Variants in LRRC4C observed in about 807,000 individuals in gnomAD.
The protein encoded by LRRC4C is leucine rich repeat containing 4C.
A neutral mutation model predicts 33.6 loss-of-function variants in LRRC4C; 5 were observed. The ratio of observed to expected loss-of-function variants is 0.15; its 90% CI spans 0.08 to 0.31. LRRC4C has a LOEUF of 0.31. LRRC4C is among the 10% of genes least tolerant of loss of function. The probability of loss-of-function intolerance (pLI) is 1.00; values close to 1 mark genes in which losing one functional copy is unlikely to be tolerated. For synonymous variants in LRRC4C, 329 were observed against 302.0 expected, an observed-to-expected ratio of 1.09 and a Z score of -0.93; for missense variants, 560 against 796.7, an observed-to-expected ratio of 0.70 and a Z score of 3.58.
At chr11:40,362,469 C>T (rs1326560159) in intron 3 of LRRC4C, among the ~76,000 whole-genome samples, 1 of 152,130 alleles carries the variant, frequency 6.6e-6, no homozygotes, top group African/African-American at 2.4e-5. Context: ...TCTGTAATCC[C>T]AGCACTTTGG....
intron 1 of LRRC4C, among the ~76,000 whole-genome samples, chr11:40,965,547 A>G (rs1166349807): frequency 3.3e-5 from 5 of 152,138 alleles, no homozygotes; most frequent in Admixed American, 3.3e-4. Flanking sequence ...ATTTTTGTAT[A>G]AGGTGTAAGG....
At chr11:41,128,266 C>CAA (rs10648242) in intron 1 of LRRC4C, among the ~76,000 whole-genome samples, 9,243 of 146,116 alleles carry the variant, frequency 0.063, 510 homozygotes, top group African/African-American at 0.15. Flanking sequence ...GTCATACCTC[C>CAA]AAAAAAAAAA....
chr11:40,653,899 T>A (rs1942952616), intron 2 of LRRC4C, among the ~76,000 whole-genome samples: 1 of 152,214 alleles, frequency 6.6e-6, no homozygotes, highest in South Asian at 2.1e-4. Flanking sequence ...TTTGCAGCCC[T>A]GGGACTTGGT....
chr11:40,220,530 T>C, intron 5 of LRRC4C, among the ~76,000 whole-genome samples: 1 of 152,160 alleles, frequency 6.6e-6, no homozygotes, highest in Non-Finnish European at 1.5e-5. Context: ...TGCAGAGTGC[T>C]TCTGAAGTTT....
intron 2 of LRRC4C, among the ~76,000 whole-genome samples, chr11:40,666,682 C>T (rs1046675142): frequency 1.4e-4 from 22 of 152,044 alleles, no homozygotes; most frequent in African/African-American, 5.1e-4. Context: ...ATACATTCAA[C>T]ATATGCACAT....
At chr11:40,986,851 C>T (rs61887578) in intron 1 of LRRC4C, among the ~76,000 whole-genome samples, 21,599 of 152,086 alleles carry the variant, frequency 0.14, 1,707 homozygotes, top group African/African-American at 0.2. Flanking sequence ...TTCTTTGAAT[C>T]CTCCTGATCA....
intron 2 of LRRC4C, among the ~76,000 whole-genome samples, chr11:40,705,147 A>T (rs1315405555): frequency 6.6e-6 from 1 of 152,156 alleles, no homozygotes; most frequent in Admixed American, 6.5e-5. Context: ...AACTTGCTCA[A>T]GGTCTCAAAT....
intron 3 of LRRC4C, among the ~76,000 whole-genome samples, chr11:40,385,153 A>C (rs1293249795): frequency 6.6e-6 from 1 of 152,090 alleles, no homozygotes; most frequent in Non-Finnish European, 1.5e-5. Flanking sequence ...TTTCTAATAC[A>C]TGTTCACATG....
chr11:40,932,461 G>C (rs2136476843), intron 2 of LRRC4C, among the ~76,000 whole-genome samples: 1 of 152,164 alleles, frequency 6.6e-6, no homozygotes. Flanking sequence ...AGTTTTGCTT[G>C]GATTTTAGTT....
At chr11:40,974,861 A>G (rs1021882589) in intron 1 of LRRC4C, among the ~76,000 whole-genome samples, 4 of 152,218 alleles carry the variant, frequency 2.6e-5, no homozygotes, top group African/African-American at 9.6e-5. Flanking sequence ...GTTCTTGGAC[A>G]CTGGGACTCC....
chr11:40,959,932 T>A (rs1025544383), intron 1 of LRRC4C, among the ~76,000 whole-genome samples: 1 of 151,730 alleles, frequency 6.6e-6, no homozygotes, highest in Non-Finnish European at 1.5e-5. Flanking sequence ...TTATTTTCAA[T>A]AAGGAATGCA....
chr11:40,153,728 A>G (rs776927982), intron 5 of LRRC4C, among the ~76,000 whole-genome samples: 3 of 152,168 alleles, frequency 2.0e-5, no homozygotes. Flanking sequence ...GAATTAACCC[A>G]ATCCAACAAA....
intron 1 of LRRC4C, among the ~76,000 whole-genome samples, chr11:41,132,641 G>T (rs1011932252): frequency 6.6e-6 from 1 of 152,072 alleles, no homozygotes; most frequent in African/African-American, 2.4e-5. Context: ...GCAATTGTGG[G>T]TGGTTTGTTT....
intron 2 of LRRC4C, among the ~76,000 whole-genome samples, chr11:40,728,352 T>C (rs1947389240): frequency 6.6e-6 from 1 of 151,480 alleles, no homozygotes; most frequent in Non-Finnish European, 1.5e-5. Flanking sequence ...AAGCCTGTAA[T>C]CCCAGCAATT....
At chr11:40,586,945 T>C (rs1374375986) in intron 3 of LRRC4C, among the ~76,000 whole-genome samples, 2 of 152,120 alleles carry the variant, frequency 1.3e-5, no homozygotes, top group African/African-American at 2.4e-5. Flanking sequence ...TTAGGATTGA[T>C]TTGGTGATGC....
In LRRC4C at chr11:40,539,771, G is replaced by A. The variant is rs1230088240; in HGVS notation, c.-270+108371C>T. On this transcript the variant is annotated intron_variant, in intron 3 of 6. Transcript: ENST00000528697. ...AATAAACAAACCTCATATAATTTAG[G>A]TAATTATGAAGACTGATGATAAACA... Among the ~76,000 whole-genome samples the A allele has an allele frequency of 2.0e-5, 3 of 151,996 alleles. No homozygotes were observed. The East Asian group carries it at 5.8e-4, about 29-fold the overall frequency.
At chr11:40,978,592 A>G (rs1303847846) in intron 1 of LRRC4C, among the ~76,000 whole-genome samples, 1 of 151,528 alleles carries the variant, frequency 6.6e-6, no homozygotes, top group Non-Finnish European at 1.5e-5. Context: ...ATCCTACTAT[A>G]ACTTTGTCTC....
At chr11:41,287,975 G>A (rs1290751045) in intron 1 of LRRC4C, among the ~76,000 whole-genome samples, 1 of 152,132 alleles carries the variant, frequency 6.6e-6, no homozygotes, top group Non-Finnish European at 1.5e-5. Context: ...GCATGGGAGA[G>A]GTCTGCACCA....
intron 3 of LRRC4C, among the ~76,000 whole-genome samples, chr11:40,461,766 T>TAC (rs1398495389): frequency 6.6e-6 from 1 of 150,796 alleles, no homozygotes; most frequent in Non-Finnish European, 1.5e-5. Context: ...CATGTAGTCT[T>TAC]ACACGGACCT....
Sources: gnomAD v4.1 joint callset for allele counts (sites outside exome capture counted in the v4.1 genomes callset) on GRCh38, gnomAD v4.1.1 for gene constraint, MANE v1.5 for transcripts, NCBI Gene and HGNC (gene_info 2026-07-23, HGNC 2026-07-21) for gene names.